The following SUN2 variants were observed in gnomAD, a reference collection of about 807,000 sequenced individuals.
SUN2 encodes Sad1 and UNC84 domain containing 2.
Under a neutral mutation model 100.0 loss-of-function variants are expected in SUN2, and 60 were observed. The observed-to-expected ratio is 0.60, with a 90% CI of 0.49 to 0.74. The LOEUF (loss-of-function observed/expected upper bound fraction) is 0.74, where lower values mean the gene tolerates loss of function less well. SUN2 is among the 30% of genes least tolerant of loss of function. The pLI is 0.00. For synonymous variants in SUN2, 367 were observed against 403.3 expected, an observed-to-expected ratio of 0.91 and a Z score of 1.08; for missense variants, 834 against 954.6, an observed-to-expected ratio of 0.87 and a Z score of 1.66.
chr22:38,739,197 T>G lies in SUN2; in HGVS notation c.1663+145A>C. 1.0e-6 allele frequency: 1 copy of G among 1,003,044 alleles called. No homozygotes were observed. The highest frequency in any genetic ancestry group is 2.6e-5 in the East Asian group (1 of 39,150). The allele number at this position is 1,003,044 out of a possible 1,614,324, so 62.1% of individuals were successfully genotyped here. On this transcript the variant is annotated intron_variant, in intron 14 of 17. Coordinates refer to ENST00000689035, the MANE Select transcript of SUN2 (RefSeq NM_015374.3). This position sits in a 1 kb window ranked among gnomAD's most constrained non-coding sequence, Gnocchi z 6.7. ...GTCCTGACTTCCCTGAATTGCCACT[T>G]GCCTTTGTCATGGGTACTAGGTTGG...
chr22:38,734,883 A>C lies in SUN2; in HGVS notation c.*1384T>G. 4.9e-6 allele frequency: 1 copy of C among 205,952 alleles called. No homozygotes were observed. The highest frequency in any genetic ancestry group is 6.2e-5 in the South Asian group (1 of 16,232). 12.8% of individuals were successfully genotyped at this position (205,952 alleles called of 1,614,324 possible). A position where few individuals can be genotyped will look rare whatever the true frequency, so the allele number is the denominator to read the frequency against. On this transcript the variant is annotated 3_prime_UTR_variant, in exon 18 of 18. Coordinates refer to ENST00000689035, the MANE Select transcript of SUN2 (RefSeq NM_015374.3). ...AGCGGGGCGGCCTCACCACCACTGC[A>C]TCCAGCCTCATGCTCCAGAGCGGAT...
intron 6 of SUN2, chr22:38,749,114 A>C: frequency 3.6e-6 from 1 of 276,966 alleles, no homozygotes; most frequent in South Asian, 7.7e-5. Context: ...CTTAAATAAC[A>C]ACAAGGAACC....
Position 38,755,042 on chromosome 22 carries a change from A to G in SUN2, c.-38+721T>C. The G allele has an allele frequency of 8.9e-7, 1 of 1,122,798 alleles. No homozygotes were observed. The highest frequency in any genetic ancestry group is 1.2e-6 in the Non-Finnish European group (1 of 868,192). 69.6% of individuals were successfully genotyped at this position (1,122,798 alleles called of 1,614,324 possible). A position where few individuals can be genotyped will look rare whatever the true frequency, so the allele number is the denominator to read the frequency against. ...ACCTCCTCCCTAACAATCAGTTAGG[A>G]AACGCTCATCGGAAAGCATCCTTCC... On this transcript the variant is annotated intron_variant, in intron 1 of 17. Coordinates refer to ENST00000689035, the MANE Select transcript of SUN2 (RefSeq NM_015374.3). This position sits in a 1 kb window ranked among gnomAD's most constrained non-coding sequence, Gnocchi z 5.7.
chr22:38,751,447 A>G, intron 2 of SUN2, 74 bp from the exon 3 acceptor site: 5 of 1,565,770 alleles, frequency 3.2e-6, no homozygotes, highest in Non-Finnish European at 4.3e-6. Context: ...GGAAAGCCAC[A>G]GCCTGCGGCC....
chr22:38,741,747 G>A lies in SUN2; in HGVS notation c.1069-176C>T, dbSNP rs143945216. 6.3e-3 allele frequency among the ~76,000 whole-genome samples: 964 copies of A among 152,326 alleles called. 20 individuals carry two copies. Among genetic ancestry groups the A allele is most frequent in the Admixed American group, 0.049 (755 of 15,296 alleles). ...CTTCAGCTCCACTGCACACCTCTGC[G>A]GTGTCAGGTACCATGCTGGGGCTTT... On this transcript the variant is annotated intron_variant, in intron 9 of 17. Coordinates refer to ENST00000689035, the MANE Select transcript of SUN2 (RefSeq NM_015374.3).
chr22:38,751,473 T>G, intron 2 of SUN2, 100 bp from the exon 3 acceptor site: 1 of 1,368,840 alleles, frequency 7.3e-7, no homozygotes, highest in East Asian at 2.4e-5. Context: ...TAGTGCAGGG[T>G]GTGGGTTCCC....
chr22:38,740,845 C>T lies in SUN2; in HGVS notation c.1190+162G>A. ...ACCTCCATGGCACCTCAAAGACAGG[C>T]CCTGGGCAGGGGTCCTGAGCTGGGT... On this transcript the variant is annotated intron_variant, in intron 11 of 17. Transcript: ENST00000689035. The surrounding 1 kb of genome is among the most constrained non-coding windows in gnomAD (Gnocchi z 4.8). 4.0e-6 allele frequency: 3 copies of T among 755,214 alleles called. No homozygotes were observed. Among genetic ancestry groups the T allele is most frequent in the Non-Finnish European group, 6.6e-6 (3 of 457,034 alleles). The allele number at this position is 755,214 out of a possible 1,614,324, so 46.8% of individuals were successfully genotyped here.
intron 7 of SUN2, 81 bp downstream of exon 7, chr22:38,748,632 C>CA (rs1345930013): frequency 6.5e-7 from 1 of 1,539,154 alleles, no homozygotes. Context: ...CCAGTCTTGC[C>CA]CCTTCCCTGC....
In SUN2 at chr22:38,736,360, G is replaced by C. The variant is rs761203177; in HGVS notation, c.2061C>G (p.Tyr687Ter). ...FHFQAPTMAT[Y>*]QVVELRILTN... is the part of the protein sequence containing the mutation. ...TCAGGATCCGCAGCTCCACCACCTG[G>C]TACGTGGCCATCGTAGGGGCCTGGG... The change falls in exon 18 of 18, where the codon TAC becomes TAG. Residue 687 changes from tyrosine to a stop codon, truncating the protein, a stop_gained. Transcript: ENST00000689035. LOFTEE classifies it high-confidence loss of function. 10 of 1,613,724 alleles carry C rather than the reference G, an allele frequency of 6.2e-6. No homozygotes were observed.
chr22:38,754,603 T>TGG, intron 1 of SUN2: 1 of 889,150 alleles, frequency 1.1e-6, no homozygotes, highest in Non-Finnish European at 1.6e-6. Flanking sequence ...TAAGGTAATC[T>TGG]CCCCTCCCCC....
Position 38,740,998 on chromosome 22 carries a change from G to C in SUN2, c.1190+9C>G, listed in dbSNP as rs778700058. The C allele has an allele frequency of 6.3e-7, 1 of 1,589,226 alleles. No individual in the cohort carries two copies. The highest frequency in any genetic ancestry group is 2.3e-5 in the East Asian group (1 of 43,726). On this transcript the variant is annotated intron_variant, in intron 11 of 17. Coordinates refer to ENST00000689035, the MANE Select transcript of SUN2 (RefSeq NM_015374.3). This position sits in a 1 kb window ranked among gnomAD's most constrained non-coding sequence, Gnocchi z 4.8. ...GAGCAGGCCGAGGCCAGCTGGTGGC[G>C]CCCAGTACCTTTGCCACTCTGACTT...
At chr22:38,753,417 T>C (rs190438662) in intron 1 of SUN2, among the ~76,000 whole-genome samples, 296 of 151,966 alleles carry the variant, frequency 1.9e-3, no homozygotes, top group Middle Eastern at 3.4e-3. Flanking sequence ...GGTTTCGCCA[T>C]GTTGGCCAGG....
At chr22:38,742,161 GAAAA>G (rs1168879547) in intron 9 of SUN2, 136 bp downstream of exon 9, 13 of 1,058,782 alleles carry the variant, frequency 1.2e-5, no homozygotes, top group Admixed American at 6.2e-5. Flanking sequence ...AAAAAAAAAA[GAAAA>G]AAAGAGAAAG....
chr22:38,742,162 A>T, intron 9 of SUN2, 139 bp downstream of exon 9: 1 of 1,122,888 alleles, frequency 8.9e-7, no homozygotes, highest in Non-Finnish European at 1.2e-6. Context: ...AAAAAAAAAG[A>T]AAAAAAGAGA....
intron 7 of SUN2, among the ~76,000 whole-genome samples, chr22:38,747,209 G>A (rs1195909453): frequency 6.6e-6 from 1 of 151,874 alleles, no homozygotes; most frequent in Non-Finnish European, 1.5e-5. Context: ...GCATGCACCT[G>A]TAATCCCAGC....
chr22:38,753,247 G>A lies in SUN2; in HGVS notation c.-37-582C>T, dbSNP rs373054530. Among the ~76,000 whole-genome samples, 50 of 122,598 alleles carry A rather than the reference G, an allele frequency of 4.1e-4. No homozygotes were observed. The East Asian group carries it at 6.3e-3, about 15-fold the overall frequency. 80.4% of individuals were successfully genotyped at this position (122,598 alleles called of 152,430 possible). A position where few individuals can be genotyped will look rare whatever the true frequency, so the allele number is the denominator to read the frequency against. Reference sequence around the variant, plus strand: ...TTTTTTTTTTTTGAGATGGAGTCTCGCGCTGCCTCCCAGGCTGAAGTGCAG... The same window carrying A: ...TTTTTTTTTTTTGAGATGGAGTCTCACGCTGCCTCCCAGGCTGAAGTGCAG... On this transcript the variant is annotated intron_variant, in intron 1 of 17. Coordinates refer to ENST00000689035, the MANE Select transcript of SUN2 (RefSeq NM_015374.3).
At chr22:38,751,515 C>T (rs2092945921) in intron 2 of SUN2, 142 bp from the exon 3 acceptor site, 1 of 781,768 alleles carries the variant, frequency 1.3e-6, no homozygotes, top group South Asian at 1.7e-5. Flanking sequence ...CTGCCATTCC[C>T]CTGACTCTCC....
At position 38,738,751 on chromosome 22, in the gene SUN2, C is replaced by G. The variant is rs759611654; in HGVS notation, c.1783G>C (p.Asp595His). 2 of 1,613,260 alleles carry G rather than the reference C, an allele frequency of 1.2e-6. No homozygotes were observed. Among genetic ancestry groups the G allele is most frequent in the South Asian group, 2.2e-5 (2 of 91,076 alleles). Residue 595 changes from aspartate (D) to histidine (H), a missense_variant, in exon 16 of 18, where the codon GAT (aspartate) becomes CAT (histidine). Asp to His is a moderately conservative substitution (Grantham distance 81, BLOSUM62 -1). This residue lies in a region of SUN2 where 195 missense variants were observed against 280.2 expected (regional missense o/e 0.70). Coordinates refer to ENST00000689035, the MANE Select transcript of SUN2 (RefSeq NM_015374.3). The surrounding 1 kb of genome is among the most constrained non-coding windows in gnomAD (Gnocchi z 6.6). Reference protein sequence around the residue: ...SQSPRVILQPDVHPGNCWAFQ... With the variant: ...SQSPRVILQPHVHPGNCWAFQ... ...GCCCAGCAGTTGCCTGGGTGCACATCTGGCTGGAGGAGCAGAAAGTCATGT... is the reference window on the plus strand; with the variant it reads ...GCCCAGCAGTTGCCTGGGTGCACATGTGGCTGGAGGAGCAGAAAGTCATGT...
At position 38,751,317 on chromosome 22, in the gene SUN2, C is replaced by A. The variant is rs755193806; in HGVS notation, c.179G>T (p.Gly60Val). The A allele has an allele frequency of 5.0e-6, 8 of 1,614,100 alleles. No individual in the cohort carries two copies. The South Asian group carries it at 7.7e-5, about 16-fold the overall frequency. ...GGAGGTGTGTGCATCAGAGGACGGG[C>A]CCAGCTGTGGCGCTGGGGACAGGCG... ...MKRLSPAPQL[G>V]PSSDAHTSYY... The change falls in exon 3 of 18, where the codon GGC becomes GTC. Residue 60 changes from glycine (G) to valine (V), a missense_variant. Gly to Val is a moderately radical substitution (Grantham distance 109). Coordinates refer to ENST00000689035, the MANE Select transcript of SUN2 (RefSeq NM_015374.3).
Sources: gnomAD v4.1 joint callset for allele counts (sites outside exome capture counted in the v4.1 genomes callset) on GRCh38, gnomAD v4.1.1 for gene constraint, gnomAD v4.1.1 regional missense constraint, Gnocchi (gnomAD v3.1) non-coding constraint, MANE v1.5 for transcripts, NCBI Gene and HGNC (gene_info 2026-07-23, HGNC 2026-07-21) for gene names.